Variants in CBFB observed in about 807,000 individuals in gnomAD.
The protein encoded by CBFB is CBF-beta.
In CBFB, 9 loss-of-function variants were observed where a neutral mutation model predicts 30.4. That is an observed-to-expected ratio of 0.30 (90% confidence interval 0.18 to 0.52). The LOEUF (loss-of-function observed/expected upper bound fraction) is 0.52, where lower values mean the gene tolerates loss of function less well. Ranked by LOEUF, CBFB falls within the 20% of genes least tolerant of loss-of-function variation. The pLI, the probability that CBFB is intolerant of heterozygous loss-of-function variation, is 0.97. For synonymous variants in CBFB, 94 were observed against 84.0 expected (o/e 1.12, Z -0.65); for missense variants, 170 against 244.0 (o/e 0.70, Z 2.02).
At chr16:67,093,240 C>T (rs1567626133) in intron 5 of CBFB, among the ~76,000 whole-genome samples, 1 of 152,160 alleles carries the variant, frequency 6.6e-6, no homozygotes. Flanking sequence ...AGCCACCATG[C>T]CCAGCTGTTC....
chr16:67,054,491 T>TGCCA (rs1293256360), intron 3 of CBFB, among the ~76,000 whole-genome samples: 1 of 152,188 alleles, frequency 6.6e-6, no homozygotes, highest in Non-Finnish European at 1.5e-5. Flanking sequence ...GCAGGGTACT[T>TGCCA]GCCAGCCCTT....
intron 3 of CBFB, among the ~76,000 whole-genome samples, chr16:67,051,220 G>A (rs1423830470): frequency 6.6e-6 from 1 of 152,076 alleles, no homozygotes; most frequent in East Asian, 1.9e-4. Context: ...AATAATAAAA[G>A]GAACATAGGT....
intron 3 of CBFB, among the ~76,000 whole-genome samples, chr16:67,058,998 T>C (rs527440142): frequency 1.3e-5 from 2 of 152,312 alleles, no homozygotes; most frequent in African/African-American, 4.8e-5. Flanking sequence ...GTAGTTACTC[T>C]GTTTTAATTG....
intron 5 of CBFB, among the ~76,000 whole-genome samples, chr16:67,094,214 C>T (rs1047158432): frequency 6.6e-6 from 1 of 151,214 alleles, no homozygotes; most frequent in South Asian, 2.1e-4. Context: ...CCACCTAAGC[C>T]TCCAAAGTGC....
At chr16:67,051,646 C>T (rs1038628904) in intron 3 of CBFB, among the ~76,000 whole-genome samples, 2 of 151,734 alleles carry the variant, frequency 1.3e-5, no homozygotes, top group Non-Finnish European at 2.9e-5. Flanking sequence ...TTATGTAAAA[C>T]GTGAGAAATG....
At chr16:67,053,540 C>T (rs1202183909) in intron 3 of CBFB, among the ~76,000 whole-genome samples, 1 of 151,998 alleles carries the variant, frequency 6.6e-6, no homozygotes, top group Non-Finnish European at 1.5e-5. Flanking sequence ...CAAGCGTGAG[C>T]CACCGCACCC....
chr16:67,053,566 C>G (rs552553853), intron 3 of CBFB, among the ~76,000 whole-genome samples: 1 of 151,988 alleles, frequency 6.6e-6, no homozygotes, highest in South Asian at 2.1e-4. Context: ...TCTAATGTCA[C>G]TTTCAGATGC....
chr16:67,029,847 CTT>C, intron 2 of CBFB, 34 bp downstream of exon 2: 1 of 1,524,730 alleles, frequency 6.6e-7, no homozygotes, highest in Non-Finnish European at 8.9e-7. Flanking sequence ...GCGCGGGTCA[CTT>C]GTTGCGCGGG....
chr16:67,038,775 C>CA (rs748818065), intron 3 of CBFB, among the ~76,000 whole-genome samples: 140 of 135,052 alleles, frequency 1.0e-3, no homozygotes, highest in Admixed American at 2.1e-3. Flanking sequence ...AGACGTAAAC[C>CA]AAAAAAAAAA....
chr16:67,063,596 C>T (rs1241026210), intron 3 of CBFB, among the ~76,000 whole-genome samples: 2 of 152,078 alleles, frequency 1.3e-5, no homozygotes, highest in Non-Finnish European at 2.9e-5. Flanking sequence ...CACACACACC[C>T]ACGCCCAGTT....
chr16:67,037,079 A>G (rs1213733114), intron 3 of CBFB, among the ~76,000 whole-genome samples: 1 of 151,962 alleles, frequency 6.6e-6, no homozygotes, highest in Non-Finnish European at 1.5e-5. Context: ...TTGTATTTTT[A>G]GTGGAGATGG....
chr16:67,034,622 G>C (rs1016469372), intron 2 of CBFB, among the ~76,000 whole-genome samples: 4 of 152,168 alleles, frequency 2.6e-5, no homozygotes, highest in African/African-American at 9.7e-5. Flanking sequence ...GATGAAGCAG[G>C]AAATCTCTTC....
At chr16:67,045,029 CT>C (rs1966597769) in intron 3 of CBFB, among the ~76,000 whole-genome samples, 1 of 151,950 alleles carries the variant, frequency 6.6e-6, no homozygotes, top group South Asian at 2.1e-4. Flanking sequence ...TAAAAATATG[CT>C]TTAGATAAAC....
At chr16:67,056,739 T>C (rs1960737276) in intron 3 of CBFB, among the ~76,000 whole-genome samples, 1 of 151,412 alleles carries the variant, frequency 6.6e-6, no homozygotes, top group South Asian at 2.1e-4. Flanking sequence ...TGGAGTGCAG[T>C]GGCATGATCT....
intron 2 of CBFB, among the ~76,000 whole-genome samples, chr16:67,033,267 A>AT (rs1277131823): frequency 6.6e-6 from 1 of 152,222 alleles, no homozygotes; most frequent in Non-Finnish European, 1.5e-5. Context: ...TTTTATGCCA[A>AT]TTGAGTTTTT....
At chr16:67,055,924 A>G (rs537479298) in intron 3 of CBFB, among the ~76,000 whole-genome samples, 1 of 152,290 alleles carries the variant, frequency 6.6e-6, no homozygotes, top group South Asian at 2.1e-4. Flanking sequence ...TGAATAGACT[A>G]CAGAAATGAT....
intron 1 of CBFB, 104 bp downstream of exon 1, chr16:67,029,589 G>A (rs1966295058): frequency 7.5e-7 from 1 of 1,330,214 alleles, no homozygotes; most frequent in Non-Finnish European, 1.0e-6. Context: ...CGGTCGGTGC[G>A]CCCGCGGAGG....
intron 4 of CBFB, among the ~76,000 whole-genome samples, chr16:67,079,127 A>G (rs1387135739): frequency 6.6e-6 from 1 of 152,238 alleles, no homozygotes; most frequent in Non-Finnish European, 1.5e-5. Flanking sequence ...TTTGAATTTT[A>G]TGTATCCATA....
At chr16:67,033,493 G>A (rs1239517845) in intron 2 of CBFB, among the ~76,000 whole-genome samples, 2 of 150,938 alleles carry the variant, frequency 1.3e-5, no homozygotes, top group African/African-American at 4.9e-5. Flanking sequence ...GCTGGTTTTT[G>A]TATTTTTAGT....
Sources: gnomAD v4.1 joint callset for allele counts (sites outside exome capture counted in the v4.1 genomes callset) on GRCh38, gnomAD v4.1.1 for gene constraint, MANE v1.5 for transcripts, NCBI Gene and HGNC (gene_info 2026-07-23, HGNC 2026-07-21) for gene names.